The following CLIC5 variants were observed in gnomAD, a reference collection of about 807,000 sequenced individuals.
CLIC5 encodes CLIC family member 5.
A neutral mutation model predicts 24.7 loss-of-function variants in CLIC5; 20 were observed. The ratio of observed to expected loss-of-function variants is 0.81; its 90% CI spans 0.57 to 1.18. CLIC5 has a LOEUF of 1.18. CLIC5 is among the 50% of genes most tolerant of loss of function. The pLI is 0.00. For synonymous variants in CLIC5, 159 were observed against 135.6 expected (o/e 1.17, Z -1.20); for missense variants, 341 against 326.1 (o/e 1.05, Z -0.35).
chr6:46,030,980 G>A (rs1185057977), intron 1 of CLIC5, among the ~76,000 whole-genome samples: 2 of 152,144 alleles, frequency 1.3e-5, no homozygotes, highest in African/African-American at 2.4e-5. Context: ...AAACCATCAT[G>A]TTTTAAAAAG....
intron 1 of CLIC5, among the ~76,000 whole-genome samples, chr6:46,022,477 C>T (rs1282511149): frequency 6.6e-6 from 1 of 152,194 alleles, no homozygotes; most frequent in Non-Finnish European, 1.5e-5. Context: ...ACATTATGCC[C>T]TTGTGGGAGG....
intron 1 of CLIC5, among the ~76,000 whole-genome samples, chr6:45,994,678 G>C (rs1424790373): frequency 6.6e-6 from 1 of 152,174 alleles, no homozygotes; most frequent in East Asian, 1.9e-4. Flanking sequence ...CATGAGTGGT[G>C]AAAGAAGCAG....
chr6:45,977,508 A>G (rs1481055742), intron 1 of CLIC5, among the ~76,000 whole-genome samples: 1 of 152,182 alleles, frequency 6.6e-6, no homozygotes, highest in Non-Finnish European at 1.5e-5. Context: ...GGCCCTTTTG[A>G]GCCCATACTC....
chr6:46,064,016 T>C (rs894396886), intron 1 of CLIC5, among the ~76,000 whole-genome samples: 2 of 152,070 alleles, frequency 1.3e-5, no homozygotes, highest in African/African-American at 4.8e-5. Flanking sequence ...TGCAAATAAC[T>C]AAGAAAATGC....
chr6:46,077,567 C>A (rs1282873760), intron 1 of CLIC5, among the ~76,000 whole-genome samples: 1 of 151,984 alleles, frequency 6.6e-6, no homozygotes. Context: ...ATATATTCTA[C>A]TTCCATTCAA....
At chr6:46,080,218 T>C (rs1762890321) in exon 1 of CLIC5, 1 of 1,551,620 alleles carries the variant, frequency 6.4e-7, no homozygotes. Context: ...GTGTCATAGA[T>C]GGTGCTGTAG....
At chr6:45,938,945 G>A (rs1375261908) in intron 4 of CLIC5, among the ~76,000 whole-genome samples, 2 of 152,160 alleles carry the variant, frequency 1.3e-5, no homozygotes, top group African/African-American at 4.8e-5. Context: ...AGCCGGGAAA[G>A]CAGCAATGAC....
At chr6:46,033,779 C>A (rs958987553) in intron 1 of CLIC5, among the ~76,000 whole-genome samples, 1 of 152,228 alleles carries the variant, frequency 6.6e-6, no homozygotes, top group South Asian at 2.1e-4. Flanking sequence ...CCTGCATTGT[C>A]TCTCCTGTGC....
intron 1 of CLIC5, among the ~76,000 whole-genome samples, chr6:46,030,455 C>T (rs1466925033): frequency 6.6e-6 from 1 of 152,184 alleles, no homozygotes; most frequent in South Asian, 2.1e-4. Context: ...CCACCCATTT[C>T]ATCCCTCAAA....
At chr6:45,957,533 G>A (rs779106695) in intron 1 of CLIC5, among the ~76,000 whole-genome samples, 6 of 152,096 alleles carry the variant, frequency 3.9e-5, no homozygotes, top group Non-Finnish European at 7.4e-5. Context: ...CAGGTGCTGG[G>A]GAGGGCTGGT....
chr6:46,096,408 T>C, the CLIC5 span, among the ~76,000 whole-genome samples: 1 of 152,262 alleles, frequency 6.6e-6, no homozygotes, highest in Non-Finnish European at 1.5e-5. Flanking sequence ...TGCTGGCTAC[T>C]ACTTCTATAC....
chr6:45,980,732 C>A (rs983697236), intron 1 of CLIC5, among the ~76,000 whole-genome samples: 5 of 150,416 alleles, frequency 3.3e-5, no homozygotes, highest in Admixed American at 3.3e-4. Flanking sequence ...AGAAAGAAAC[C>A]AAAACATTAT....
chr6:46,071,228 G>T (rs1358534298), intron 1 of CLIC5, among the ~76,000 whole-genome samples: 3 of 152,054 alleles, frequency 2.0e-5, no homozygotes. Flanking sequence ...TCACAAATGG[G>T]ATCTAATTAA....
chr6:46,056,615 C>A (rs58098106), intron 1 of CLIC5, among the ~76,000 whole-genome samples: 28,941 of 152,108 alleles, frequency 0.19, 2,981 homozygotes, highest in South Asian at 0.34. Flanking sequence ...GGAGAACTTA[C>A]ACTACAGAAA....
At chr6:46,003,798 G>A (rs1766443630) in intron 1 of CLIC5, among the ~76,000 whole-genome samples, 1 of 152,200 alleles carries the variant, frequency 6.6e-6, no homozygotes, top group South Asian at 2.1e-4. Context: ...ATTTGGGCTG[G>A]AGTTTGGAAA....
chr6:46,118,950 A>T, the CLIC5 span, among the ~76,000 whole-genome samples: 3 of 152,200 alleles, frequency 2.0e-5, no homozygotes, highest in African/African-American at 7.2e-5. Flanking sequence ...TGGAATCCTT[A>T]TCAGGGAAAA....
the CLIC5 span, among the ~76,000 whole-genome samples, chr6:46,127,708 TGAGACCTCA>T: frequency 6.6e-6 from 1 of 152,156 alleles, no homozygotes; most frequent in Non-Finnish European, 1.5e-5. Flanking sequence ...AAAGTTTGGG[TGAGACCTCA>T]GTTTAAGATG....
chr6:46,009,866 C>A (rs1227753616), intron 1 of CLIC5, among the ~76,000 whole-genome samples: 1 of 152,194 alleles, frequency 6.6e-6, no homozygotes, highest in Non-Finnish European at 1.5e-5. Flanking sequence ...GAATCAACTT[C>A]CCCTGAGTTT....
chr6:45,912,179 G>T (rs1429438509), intron 5 of CLIC5: 11 of 986,332 alleles, frequency 1.1e-5, no homozygotes, highest in Non-Finnish European at 1.3e-5. Context: ...GGCCTGACTT[G>T]GCTTCCCCTT....
Sources: allele counts gnomAD v4.1 joint callset (sites outside exome capture counted in the v4.1 genomes callset), GRCh38; gene constraint gnomAD v4.1.1; transcripts MANE v1.5; gene names NCBI Gene and HGNC (gene_info 2026-07-23, HGNC 2026-07-21).